The following PREX1 variants were observed in gnomAD, a reference collection of about 807,000 sequenced individuals.
PREX1 encodes phosphatidylinositol 3,4,5-trisphosphate-dependent Rac exchanger 1 protein.
Under a neutral mutation model 198.3 loss-of-function variants are expected in PREX1, and 41 were observed. The observed-to-expected ratio is 0.21, with a 90% CI of 0.16 to 0.27. PREX1 has a LOEUF of 0.27. Ranked by LOEUF, PREX1 falls within the 10% of genes least tolerant of loss-of-function variation. The pLI is 1.00. For synonymous variants in PREX1, 843 were observed against 887.2 expected, an observed-to-expected ratio of 0.95 and a Z score of 0.89; for missense variants, 1,620 against 2,200.7, an observed-to-expected ratio of 0.74 and a Z score of 5.28.
Position 48,645,625 on chromosome 20 carries a change from C to A in PREX1, c.3512+226G>T, listed in dbSNP as rs1030697940. On this transcript the variant is annotated intron_variant, in intron 26 of 39. Coordinates refer to ENST00000371941, the MANE Select transcript of PREX1 (RefSeq NM_020820.4). ...CACTGAGGCAGAACAGATGGGTCCA[C>A]GTGGGGACAACCCTAAAATGTCAGC... 2.0e-5 allele frequency among the ~76,000 whole-genome samples: 3 copies of A among 152,180 alleles called. 1 individual carries two copies. In the South Asian group the frequency reaches 6.2e-4, roughly 32 times the overall value.
At chr20:48,746,424 T>C (rs1345215564) in intron 2 of PREX1, among the ~76,000 whole-genome samples, 1 of 152,218 alleles carries the variant, frequency 6.6e-6, no homozygotes, top group Non-Finnish European at 1.5e-5. Flanking sequence ...CTGTGTTGCA[T>C]TCCTACAATG....
chr20:48,884,442 C>A, the PREX1 span, among the ~76,000 whole-genome samples: 1 of 152,308 alleles, frequency 6.6e-6, no homozygotes, highest in East Asian at 1.9e-4. Flanking sequence ...ACAATATAAT[C>A]TTTTCAATAA....
chr20:48,689,304 G>C (rs2089804085), intron 9 of PREX1, among the ~76,000 whole-genome samples: 1 of 152,142 alleles, frequency 6.6e-6, no homozygotes, highest in Non-Finnish European at 1.5e-5. Context: ...TTTGACAACA[G>C]CAAATGCTTT....
At chr20:48,847,269 A>C in the PREX1 span, among the ~76,000 whole-genome samples, 1 of 151,688 alleles carries the variant, frequency 6.6e-6, no homozygotes, top group Admixed American at 6.6e-5. Flanking sequence ...GGGAGAGATC[A>C]AGGAATACTT....
At chr20:48,736,119 G>C (rs143813599) in intron 3 of PREX1, among the ~76,000 whole-genome samples, 35 of 152,232 alleles carry the variant, frequency 2.3e-4, no homozygotes, top group African/African-American at 8.2e-4. Context: ...TAATATATGT[G>C]AAATGAGTAG....
Position 48,625,859 on chromosome 20 carries a change from C to A in PREX1, c.*26G>T. ...TCCCAAATCCCAGCTCCAGAGGCCG[C>A]GGCCCAGCGTGGGGCATTTGGGTGT... On this transcript the variant is annotated 3_prime_UTR_variant, in exon 40 of 40. Coordinates refer to ENST00000371941, the MANE Select transcript of PREX1 (RefSeq NM_020820.4). 1 of 1,549,962 alleles carries A rather than the reference C, an allele frequency of 6.5e-7. No homozygotes were observed.
chr20:48,658,359 GAC>G, intron 16 of PREX1, 131 bp from the exon 17 acceptor site: 1 of 863,692 alleles, frequency 1.2e-6, no homozygotes, highest in East Asian at 2.5e-5. Flanking sequence ...AGGTGGGCGA[GAC>G]AGAGCAAAAC....
chr20:48,702,164 C>T (rs1036069962), intron 6 of PREX1, among the ~76,000 whole-genome samples: 2 of 149,372 alleles, frequency 1.3e-5, no homozygotes, highest in South Asian at 2.1e-4. Context: ...GCTGAGATAA[C>T]GCCACTGAAC....
chr20:48,627,631 A>G lies in PREX1; in HGVS notation c.4870-16T>C. ...CCCTTGGGCCCTGGAAGAAGGAACC[A>G]TCAGGCAGGGGCCTCTGCAGGTTCA... On this transcript the variant is annotated splice_polypyrimidine_tract_variant and intron_variant, in intron 38 of 39. Transcript: ENST00000371941. 6.2e-7 allele frequency: 1 copy of G among 1,602,832 alleles called. No homozygotes were observed. Among genetic ancestry groups the G allele is most frequent in the South Asian group, 1.1e-5 (1 of 90,788 alleles).
chr20:48,844,075 G>C, the PREX1 span, among the ~76,000 whole-genome samples: 1 of 152,080 alleles, frequency 6.6e-6, no homozygotes, highest in Admixed American at 6.6e-5. Flanking sequence ...GGGAGGTCGA[G>C]GCTGCAGTGA....
chr20:48,627,668 G>T, intron 38 of PREX1, 53 bp from the exon 39 acceptor site: 1 of 1,424,282 alleles, frequency 7.0e-7, no homozygotes, highest in Non-Finnish European at 9.9e-7. Flanking sequence ...GGCACGTGAG[G>T]AAGCACACTG....
rs2090010201 is a variant in PREX1, at chr20:48,726,395, C to A, written c.520-4G>T. The A allele has an allele frequency of 6.2e-7, 1 of 1,610,000 alleles. No homozygotes were observed. The highest frequency in any genetic ancestry group is 1.1e-5 in the South Asian group (1 of 90,274). On this transcript the variant is annotated splice_polypyrimidine_tract_variant and splice_region_variant and intron_variant, in intron 4 of 39. Coordinates refer to ENST00000371941, the MANE Select transcript of PREX1 (RefSeq NM_020820.4). ...GGCCTCCCAGAAGCATGCAGCTCTG[C>A]AAAGGGACAGGAGACCTTCATGAAA...
rs1362710413 is a variant in PREX1, at chr20:48,690,932, A to G, written c.1186+15T>C. On this transcript the variant is annotated intron_variant, in intron 9 of 39. Coordinates refer to ENST00000371941, the MANE Select transcript of PREX1 (RefSeq NM_020820.4). ...CTCAGGGATCCCAGGCGAGCACCCC[A>G]AAGCTGCTGCTCACTCTCGCGCTGC... 2 of 1,613,410 alleles carry G rather than the reference A, an allele frequency of 1.2e-6. No homozygotes were observed. The highest frequency in any genetic ancestry group is 2.2e-5 in the East Asian group (1 of 44,878).
the PREX1 span, among the ~76,000 whole-genome samples, chr20:48,858,938 G>A: frequency 8.6e-5 from 13 of 151,816 alleles, no homozygotes; most frequent in African/African-American, 2.4e-4. Context: ...CTTTGTCACC[G>A]AGGCTGGAGT....
At chr20:48,748,477 CTTT>C (rs938267144) in intron 1 of PREX1, among the ~76,000 whole-genome samples, 1 of 146,756 alleles carries the variant, frequency 6.8e-6, no homozygotes, top group Non-Finnish European at 1.5e-5. Context: ...ACATCTATTC[CTTT>C]TTTTTTTTAA....
intron 1 of PREX1, among the ~76,000 whole-genome samples, chr20:48,779,596 A>G (rs1339871457): frequency 6.6e-6 from 1 of 152,010 alleles, no homozygotes; most frequent in African/African-American, 2.4e-5. Flanking sequence ...AAAACTGGAA[A>G]CAAGCAATTC....
intron 16 of PREX1, 26 bp from the exon 17 acceptor site, chr20:48,658,254 C>G (rs756485822): frequency 1.9e-6 from 3 of 1,611,284 alleles, no homozygotes; most frequent in Non-Finnish European, 1.7e-6. Flanking sequence ...AGAAGGAACC[C>G]GGTCAGGGAG....
chr20:48,664,087 G>A (rs2089616794), intron 15 of PREX1, among the ~76,000 whole-genome samples: 1 of 152,106 alleles, frequency 6.6e-6, no homozygotes. Flanking sequence ...AAAAAAAAGA[G>A]AATCTGGTCG....
At chr20:48,672,628 C>A (rs1210519338) in intron 14 of PREX1, among the ~76,000 whole-genome samples, 2 of 152,256 alleles carry the variant, frequency 1.3e-5, no homozygotes, top group Admixed American at 6.5e-5. Context: ...CCACCCTGGC[C>A]CCCTCTCTGC....
Sources: gnomAD v4.1 joint callset for allele counts (sites outside exome capture counted in the v4.1 genomes callset) on GRCh38, gnomAD v4.1.1 for gene constraint, MANE v1.5 for transcripts, NCBI Gene and HGNC (gene_info 2026-07-23, HGNC 2026-07-21) for gene names.